Variants in MPP4 observed in about 807,000 individuals in gnomAD.
MPP4 encodes MAGUK p55 subfamily member 4.
Under a neutral mutation model 98.3 loss-of-function variants are expected in MPP4, and 91 were observed. The ratio of observed to expected loss-of-function variants is 0.93; its 90% confidence interval spans 0.78 to 1.10. The LOEUF is 1.10. Ranked by LOEUF, MPP4 falls within the 50% of genes least tolerant of loss-of-function variation. The pLI, the probability that MPP4 is intolerant of heterozygous loss-of-function variation, is 0.00. For missense variants in MPP4, 744 were observed against 792.9 expected (o/e 0.94, Z 0.74); for synonymous variants, 261 against 271.8 (o/e 0.96, Z 0.39).
intron 10 of MPP4, among the ~76,000 whole-genome samples, chr2:201,676,574 A>G (rs1210968254): frequency 1.3e-5 from 2 of 152,222 alleles, no homozygotes; most frequent in African/African-American, 4.8e-5. Context: ...ATTTGAAGAG[A>G]TAACATATAC....
At chr2:201,684,473 A>C (rs1428898048) in intron 7 of MPP4, among the ~76,000 whole-genome samples, 1 of 152,222 alleles carries the variant, frequency 6.6e-6, no homozygotes, top group Non-Finnish European at 1.5e-5. Flanking sequence ...ATACAATGGC[A>C]TGATAATAGT....
chr2:201,688,046 G>T (rs114161631), intron 4 of MPP4, among the ~76,000 whole-genome samples: 1,964 of 152,270 alleles, frequency 0.013, 43 homozygotes, highest in African/African-American at 0.045. Flanking sequence ...CATTCACTGG[G>T]ATTTCAACTG....
chr2:201,656,253 C>G lies in MPP4; in HGVS notation c.1245G>C (p.Glu415Asp), dbSNP rs1295080986. Residue 415 changes from glutamate (E) to aspartate (D), a missense_variant, in exon 17 of 22, where the codon GAG becomes GAC. Physicochemically the swap from Glu to Asp is conservative, Grantham distance 45. Transcript: ENST00000409474. ...AAGGGCGTCGCTGGTACCTCACCAC[C>G]TCCTCGTAAGGGGCACCCACTGCAC... is the stretch of plus-strand genomic sequence containing the variant. ...CYSAVGAPYE[E>D]VVRYQRRPSD... is the part of the protein sequence containing the mutation. 1.3e-5 allele frequency: 21 copies of G among 1,601,936 alleles called. No homozygotes were observed. Among genetic ancestry groups the G allele is most frequent in the Non-Finnish European group, 1.8e-5 (21 of 1,174,300 alleles).
At position 201,647,678 on chromosome 2, in the gene MPP4, G is replaced by C. The variant is rs1303051933; in HGVS notation, c.1719+13C>G. On this transcript the variant is annotated intron_variant, in intron 21 of 21. Coordinates refer to ENST00000409474, the MANE Select transcript of MPP4 (RefSeq NM_033066.3). ...CACTGAAAGCAATACAGTAGTTTTT[G>C]ACTTGCTCTTACCTTGAACTTCATG... 13 of 1,611,570 alleles carry C rather than the reference G, an allele frequency of 8.1e-6. No individual in the cohort carries two copies. The highest frequency in any genetic ancestry group is 1.1e-5 in the Non-Finnish European group (13 of 1,178,112).
At chr2:201,651,555 A>G (rs1687712363) in intron 18 of MPP4, 1 of 985,282 alleles carries the variant, frequency 1.0e-6, no homozygotes, top group Admixed American at 6.1e-5. Context: ...AAAAAGCAAA[A>G]TATGAGCAGT....
chr2:201,696,809 G>A (rs1375249520), intron 1 of MPP4, among the ~76,000 whole-genome samples: 1 of 152,172 alleles, frequency 6.6e-6, no homozygotes, highest in African/African-American at 2.4e-5. Flanking sequence ...TAAAAGGCTC[G>A]TTTTGACCCA....
At chr2:201,650,341 A>G (rs1687681865) in intron 18 of MPP4, 176 bp from the exon 19 acceptor site, 3 of 985,358 alleles carry the variant, frequency 3.0e-6, no homozygotes, top group Admixed American at 6.1e-5. Context: ...TATCAAAATC[A>G]GTTAGTCTAT....
At chr2:201,647,210 G>A (rs1158766479) in intron 21 of MPP4, among the ~76,000 whole-genome samples, 1 of 152,158 alleles carries the variant, frequency 6.6e-6, no homozygotes, top group Non-Finnish European at 1.5e-5. Context: ...TCATTTTACA[G>A]ATGAGATATA....
chr2:201,675,282 G>C lies in MPP4; in HGVS notation c.930-11C>G, dbSNP rs537634358. 1 of 1,598,728 alleles carries C rather than the reference G, an allele frequency of 6.3e-7. No individual in the cohort carries two copies. Among genetic ancestry groups the C allele is most frequent in the Non-Finnish European group, 8.5e-7 (1 of 1,172,626 alleles). On this transcript the variant is annotated splice_polypyrimidine_tract_variant and intron_variant, in intron 10 of 21. Transcript: ENST00000409474. ...AATTCCCGTTGCTTCCTATGGGGGGGAAAAAACCATGCGACAAAAAACAAA... is the reference window on the plus strand; with the variant it reads ...AATTCCCGTTGCTTCCTATGGGGGGCAAAAAACCATGCGACAAAAAACAAA...
At position 201,650,308 on chromosome 2, in the gene MPP4, C is replaced by T; in HGVS notation, c.1382-143G>A. On this transcript the variant is annotated intron_variant, in intron 18 of 21. Coordinates refer to ENST00000409474, the MANE Select transcript of MPP4 (RefSeq NM_033066.3). ...AAATGCTAGAACTAAAAAGAAGAAG[C>T]CTGAATTGGTGATAAGTTCTCGTAT... 5 of 1,409,558 alleles carry T rather than the reference C, an allele frequency of 3.5e-6. No individual in the cohort carries two copies. In the South Asian group the frequency reaches 8.0e-5, roughly 22 times the overall value. 87.3% of individuals were successfully genotyped at this position (1,409,558 alleles called of 1,614,324 possible). A position where few individuals can be genotyped will look rare whatever the true frequency, so the allele number is the denominator to read the frequency against.
At position 201,680,829 on chromosome 2, in the gene MPP4, G is replaced by A. The variant is rs368233258; in HGVS notation, c.929+9C>T. 16 of 1,605,528 alleles carry A rather than the reference G, an allele frequency of 1.0e-5. No individual in the cohort carries two copies. Among genetic ancestry groups the A allele is most frequent in the Non-Finnish European group, 1.3e-5 (15 of 1,174,200 alleles). ...CAGCCCTGAGTCCAGGAGTGGTGAC[G>A]TTCCTTACCTCTTCAGAAGGTGGTT... On this transcript the variant is annotated intron_variant, in intron 10 of 21. Transcript: ENST00000409474.
At chr2:201,681,663 C>G (rs766958867) in intron 8 of MPP4, 96 bp from the exon 9 acceptor site, 177 of 890,514 alleles carry the variant, frequency 2.0e-4, no homozygotes, top group Middle Eastern at 6.8e-4. Flanking sequence ...ATCCAGGTCT[C>G]ATGGTAAAAT....
chr2:201,689,797 G>A (rs1462045554), intron 4 of MPP4, among the ~76,000 whole-genome samples: 1 of 152,150 alleles, frequency 6.6e-6, no homozygotes, highest in African/African-American at 2.4e-5. Flanking sequence ...TTTGGAACAT[G>A]TGAACTTGGA....
chr2:201,685,004 T>A, intron 7 of MPP4, 60 bp downstream of exon 7: 12 of 1,239,768 alleles, frequency 9.7e-6, no homozygotes, highest in Non-Finnish European at 1.3e-5. Flanking sequence ...GAAAGAAGCC[T>A]AAACAGTCAA....
intron 8 of MPP4, 70 bp from the exon 9 acceptor site, chr2:201,681,637 A>G: frequency 8.7e-7 from 1 of 1,152,870 alleles, no homozygotes. Context: ...CGGTGGACAG[A>G]GTTACAGTGC....
intron 21 of MPP4, 53 bp from the exon 22 acceptor site, chr2:201,645,457 A>C: frequency 1.4e-6 from 2 of 1,442,078 alleles, no homozygotes; most frequent in Non-Finnish European, 1.9e-6. Context: ...GGACAAATGG[A>C]AAAAATACAG....
intron 18 of MPP4, among the ~76,000 whole-genome samples, chr2:201,654,315 C>A (rs1226455021): frequency 6.6e-6 from 1 of 152,134 alleles, no homozygotes; most frequent in Non-Finnish European, 1.5e-5. Context: ...ATTTTATAAT[C>A]ATACTCATAA....
chr2:201,695,160 G>A (rs763770083), intron 1 of MPP4, among the ~76,000 whole-genome samples: 2 of 152,050 alleles, frequency 1.3e-5, no homozygotes, highest in Admixed American at 1.3e-4. Context: ...GGTTCCTTCC[G>A]GCTACTGCTC....
chr2:201,660,133 T>C (rs1248653552), intron 15 of MPP4, among the ~76,000 whole-genome samples, 199 bp downstream of exon 15: 1 of 152,218 alleles, frequency 6.6e-6, no homozygotes, highest in Non-Finnish European at 1.5e-5. Context: ...CAAAATGTCA[T>C]ATCCTTGGAG....
Sources: allele counts gnomAD v4.1 joint callset (sites outside exome capture counted in the v4.1 genomes callset), GRCh38; gene constraint gnomAD v4.1.1; transcripts MANE v1.5; gene names NCBI Gene and HGNC (gene_info 2026-07-23, HGNC 2026-07-21).